HTR1F: variants seen among roughly 807,000 people sequenced by gnomAD.
HTR1F encodes 5-hydroxytryptamine receptor 1F.
HTR1F carries 17 observed loss-of-function variants against 24.0 expected under a neutral mutation model. The ratio of observed to expected loss-of-function variants is 0.71; its 90% CI spans 0.48 to 1.06. The LOEUF (loss-of-function observed/expected upper bound fraction) is 1.06. HTR1F is among the 50% of genes least tolerant of loss of function. The probability of loss-of-function intolerance (pLI) is 0.00; values close to 1 mark genes in which losing one functional copy is unlikely to be tolerated. For missense variants in HTR1F, 391 were observed against 427.8 expected (o/e 0.91, Z 0.76); for synonymous variants, 186 against 156.8 (o/e 1.19, Z -1.39).
At chr3:87,840,488 A>G (rs1487442961) in intron 2 of HTR1F, among the ~76,000 whole-genome samples, 1 of 152,172 alleles carries the variant, frequency 6.6e-6, no homozygotes, top group Non-Finnish European at 1.5e-5. Context: ...GAACACTTAT[A>G]CAGGGATGGT....
Position 87,991,411 on chromosome 3 carries a change from C to A in HTR1F, c.662C>A (p.Ala221Glu), listed in dbSNP as rs1281519013. ...CACAAGAGACAAGCAAGTAGGATTG[C>A]AAAGGAGGAGGTGAATGGCCAAGTC... ...LYHKRQASRIAKEEVNGQVLL... is the reference protein window; with the variant it reads ...LYHKRQASRIEKEEVNGQVLL... Residue 221 changes from alanine to glutamate, a missense_variant, in exon 3 of 3, where the codon GCA becomes GAA. Physicochemically the swap from Ala to Glu is moderately radical, Grantham distance 107. Transcript: ENST00000319595. The A allele has an allele frequency of 8.1e-6, 13 of 1,613,792 alleles. No homozygotes were observed. Among genetic ancestry groups the A allele is most frequent in the Non-Finnish European group, 1.1e-5 (13 of 1,179,926 alleles).
chr3:87,925,474 C>A (rs1161910576), intron 2 of HTR1F, among the ~76,000 whole-genome samples: 2 of 152,102 alleles, frequency 1.3e-5, no homozygotes, highest in Non-Finnish European at 2.9e-5. Context: ...CACATTTGTA[C>A]CACTGATCTA....
rs747154583 is a variant in HTR1F at position 87,991,146 on chromosome 3, A to G, written c.397A>G (p.Arg133Gly). ...AATCACAGATGCTGTTGAGTATGCC[A>G]GGAAAAGGACTCCAAAGCATGCTGG... ...RAITDAVEYA[R>G]KRTPKHAGIM... Residue 133 changes from arginine (R) to glycine (G), a missense_variant, in exon 3 of 3, where the codon AGG becomes GGG. By Grantham distance (125) the Arg-to-Gly change is moderately radical. Coordinates refer to ENST00000319595, the MANE Select transcript of HTR1F (RefSeq NM_001322209.2). 1.2e-6 allele frequency: 2 copies of G among 1,614,124 alleles called. No individual in the cohort carries two copies. Among genetic ancestry groups the G allele is most frequent in the South Asian group, 2.2e-5 (2 of 91,080 alleles).
At chr3:87,869,817 A>G (rs1408963311) in intron 2 of HTR1F, among the ~76,000 whole-genome samples, 1 of 152,086 alleles carries the variant, frequency 6.6e-6, no homozygotes, top group Non-Finnish European at 1.5e-5. Context: ...TCTCACCCAA[A>G]ACAACCTCTC....
At chr3:87,800,698 G>T (rs1164399862) in intron 1 of HTR1F, among the ~76,000 whole-genome samples, 1 of 152,148 alleles carries the variant, frequency 6.6e-6, no homozygotes, top group Non-Finnish European at 1.5e-5. Context: ...CTCTTGTGTT[G>T]CCTGAGTTAA....
chr3:87,983,155 T>G (rs1705588929), intron 2 of HTR1F, among the ~76,000 whole-genome samples: 1 of 152,116 alleles, frequency 6.6e-6, no homozygotes, highest in African/African-American at 2.4e-5. Context: ...CATGGACAGT[T>G]AAAGCAAGAC....
At chr3:87,892,650 G>A (rs1424445316) in intron 2 of HTR1F, among the ~76,000 whole-genome samples, 1 of 152,066 alleles carries the variant, frequency 6.6e-6, no homozygotes, top group Non-Finnish European at 1.5e-5. Flanking sequence ...TAATTTTCAT[G>A]GCATTACTTT....
chr3:87,878,026 C>T (rs531279915), intron 2 of HTR1F, among the ~76,000 whole-genome samples: 5 of 152,138 alleles, frequency 3.3e-5, no homozygotes, highest in South Asian at 2.1e-4. Flanking sequence ...CAGACTTGAA[C>T]GATTGATAGT....
In HTR1F at chr3:87,944,442, G is replaced by A. The variant is rs537060311; in HGVS notation, c.-42-46266G>A. Among the ~76,000 whole-genome samples, 8 of 151,030 alleles carry A rather than the reference G, an allele frequency of 5.3e-5. No individual in the cohort carries two copies. In the South Asian group the frequency reaches 1.4e-3, roughly 27 times the overall value. ...AATTTTTCTAACTCTGCTTCCACAAGAGTCTCCTATCAATTACTGAATACC... is the reference window on the plus strand; with the variant it reads ...AATTTTTCTAACTCTGCTTCCACAAAAGTCTCCTATCAATTACTGAATACC... On this transcript the variant is annotated intron_variant, in intron 2 of 2. Coordinates refer to ENST00000319595, the MANE Select transcript of HTR1F (RefSeq NM_001322209.2).
At chr3:87,887,826 G>A (rs1705987333) in intron 2 of HTR1F, among the ~76,000 whole-genome samples, 3 of 152,194 alleles carry the variant, frequency 2.0e-5, no homozygotes, top group African/African-American at 7.2e-5. Flanking sequence ...AACAACAGAT[G>A]CTGGAGAGGA....
chr3:87,917,736 TAAAA>T (rs145123303), intron 2 of HTR1F, among the ~76,000 whole-genome samples: 1 of 148,280 alleles, frequency 6.7e-6, no homozygotes, highest in Non-Finnish European at 1.5e-5. Context: ...TTAACAACAA[TAAAA>T]AAAAAATGTC....
At chr3:87,950,382 C>G (rs1365770343) in intron 2 of HTR1F, among the ~76,000 whole-genome samples, 1 of 152,164 alleles carries the variant, frequency 6.6e-6, no homozygotes, top group Non-Finnish European at 1.5e-5. Context: ...TCAGTCTAAT[C>G]CATTGAAAAC....
chr3:87,991,872 A>C lies in HTR1F; in HGVS notation c.*22A>C. The C allele has an allele frequency of 1.3e-6, 2 of 1,530,648 alleles. No homozygotes were observed. Among genetic ancestry groups the C allele is most frequent in the Non-Finnish European group, 1.8e-6 (2 of 1,141,268 alleles). 94.8% of individuals were successfully genotyped at this position (1,530,648 alleles called of 1,614,324 possible). On this transcript the variant is annotated 3_prime_UTR_variant, in exon 3 of 3. Transcript: ENST00000319595. ...TTAGTTTTAAAAATGTTTATTATTG[A>C]AGGATGGGGGTTTTTGAGGGGAGGA...
chr3:87,845,344 A>C (rs1012245810), intron 2 of HTR1F, among the ~76,000 whole-genome samples: 2 of 151,748 alleles, frequency 1.3e-5, no homozygotes, highest in African/African-American at 2.4e-5. Flanking sequence ...CCATAGTCTC[A>C]GCCCAAAATC....
chr3:87,852,994 C>CTATTT (rs1705121495), intron 2 of HTR1F, among the ~76,000 whole-genome samples: 3 of 141,250 alleles, frequency 2.1e-5, no homozygotes, highest in Admixed American at 2.1e-4. Flanking sequence ...CTAATGTTTT[C>CTATTT]TATTTTATTT....
chr3:87,800,215 G>A (rs1703970686), intron 1 of HTR1F, among the ~76,000 whole-genome samples: 3 of 152,006 alleles, frequency 2.0e-5, no homozygotes, highest in African/African-American at 4.8e-5. Flanking sequence ...GTCATTCTGG[G>A]AACAAGCCAA....
At chr3:87,974,925 A>C (rs1294240337) in intron 2 of HTR1F, among the ~76,000 whole-genome samples, 1 of 152,198 alleles carries the variant, frequency 6.6e-6, no homozygotes, top group African/African-American at 2.4e-5. Context: ...TTCCATTCAG[A>C]TGACAGTTCA....
chr3:87,989,317 A>G (rs1321667407), intron 2 of HTR1F, among the ~76,000 whole-genome samples: 3 of 152,194 alleles, frequency 2.0e-5, no homozygotes, highest in Non-Finnish European at 2.9e-5. Context: ...AATAATTTCC[A>G]TTTCAGAGTG....
intron 2 of HTR1F, among the ~76,000 whole-genome samples, chr3:87,893,962 T>A (rs1347304906): frequency 1.3e-5 from 2 of 152,202 alleles, no homozygotes; most frequent in South Asian, 2.1e-4. Flanking sequence ...TTTTGTGAGT[T>A]GTTTACTCAT....
Sources: gnomAD v4.1 joint callset for allele counts (sites outside exome capture counted in the v4.1 genomes callset) on GRCh38, gnomAD v4.1.1 for gene constraint, MANE v1.5 for transcripts, NCBI Gene and HGNC (gene_info 2026-07-23, HGNC 2026-07-21) for gene names.